Variants in CASTOR2 observed in about 807,000 individuals in gnomAD.
CASTOR2 encodes the protein cytosolic arginine sensor for mTORC1 subunit 2, also known as GATS protein like 2.
CASTOR2 carries 8 observed loss-of-function variants against 31.2 expected under a neutral mutation model. That is an observed-to-expected ratio of 0.26 (90% confidence interval 0.15 to 0.46). The LOEUF is 0.46. Ranked by LOEUF, CASTOR2 falls within the 20% of genes least tolerant of loss-of-function variation. The pLI is 0.99. For synonymous variants in CASTOR2, 162 were observed against 158.7 expected, an observed-to-expected ratio of 1.02 and a Z score of -0.16; for missense variants, 216 against 382.1, an observed-to-expected ratio of 0.57 and a Z score of 3.62.
chr7:74,986,756 A>G (rs1336813219), intron 1 of CASTOR2, among the ~76,000 whole-genome samples: 10 of 152,160 alleles, frequency 6.6e-5, no homozygotes, highest in African/African-American at 1.9e-4. Context: ...ATGAAAAACA[A>G]ATGGTTTGGC....
At chr7:75,002,434 C>T (rs1268162054) in intron 1 of CASTOR2, among the ~76,000 whole-genome samples, 2 of 151,698 alleles carry the variant, frequency 1.3e-5, no homozygotes, top group East Asian at 4.0e-4. Context: ...GCCTGGCCAA[C>T]ATGGTGAAAC....
At chr7:75,018,250 A>G in intron 4 of CASTOR2, 128 bp downstream of exon 4, 5 of 1,507,096 alleles carry the variant, frequency 3.3e-6, no homozygotes, top group Middle Eastern at 2.3e-4. Flanking sequence ...GCAGAACGGG[A>G]TGCAAAGGGC....
chr7:75,027,991 TG>T lies in CASTOR2; in HGVS notation c.*3294del. 6.5e-7 allele frequency: 1 copy of T among 1,531,886 alleles called. No homozygotes were observed. Among genetic ancestry groups the T allele is most frequent in the African/African-American group, 1.4e-5 (1 of 73,040 alleles). 94.9% of individuals were successfully genotyped at this position (1,531,886 alleles called of 1,614,324 possible). A position where few individuals can be genotyped will look rare whatever the true frequency, so the allele number is the denominator to read the frequency against. On this transcript the variant is annotated 3_prime_UTR_variant, in exon 9 of 9. Transcript: ENST00000616305. Reference sequence around the variant, plus strand: ...CAGAGGGGCTCCATCCGCAGTTGCATGGAACTCCTTACCTGTTTGCCGTCCA... The same window carrying T: ...CAGAGGGGCTCCATCCGCAGTTGCATGAACTCCTTACCTGTTTGCCGTCCA...
At chr7:75,023,952 G>T (rs902755855) in intron 7 of CASTOR2, among the ~76,000 whole-genome samples, 1 of 152,166 alleles carries the variant, frequency 6.6e-6, no homozygotes, top group African/African-American at 2.4e-5. Context: ...ACCAGAGAAG[G>T]CTCCTGGTTG....
chr7:74,982,368 C>T lies in CASTOR2; in HGVS notation c.113+17270C>T, dbSNP rs1355098686. On this transcript the variant is annotated intron_variant, in intron 1 of 8. Transcript: ENST00000616305. ...ATTTGGCCCCTGGGCCTCTGGGTAA[C>T]CTGCCCCAGCCACCCAGGGCTTGGC... 4.0e-5 allele frequency among the ~76,000 whole-genome samples: 6 copies of T among 151,798 alleles called. No individual in the cohort carries two copies. In the East Asian group the frequency reaches 1.2e-3, roughly 29 times the overall value.
chr7:74,987,773 A>G (rs1213987869), intron 1 of CASTOR2, among the ~76,000 whole-genome samples: 4 of 151,942 alleles, frequency 2.6e-5, no homozygotes, highest in South Asian at 2.1e-4. Flanking sequence ...CAGTGGCGTG[A>G]TATCGGCTCA....
chr7:75,012,239 A>G (rs1197549156), intron 2 of CASTOR2, among the ~76,000 whole-genome samples: 1 of 152,114 alleles, frequency 6.6e-6, no homozygotes, highest in Non-Finnish European at 1.5e-5. Context: ...CTGCAGTATG[A>G]GGCTAGGAGG....
At chr7:74,988,007 CTTTT>C (rs1199869924) in intron 1 of CASTOR2, among the ~76,000 whole-genome samples, 1 of 141,672 alleles carries the variant, frequency 7.1e-6, no homozygotes, top group East Asian at 2.0e-4. Flanking sequence ...TGCGCCTGGC[CTTTT>C]TTTTTTTTTA....
chr7:74,985,964 G>GT (rs1804053369), intron 1 of CASTOR2, among the ~76,000 whole-genome samples: 4 of 152,008 alleles, frequency 2.6e-5, no homozygotes, highest in Admixed American at 2.0e-4. Context: ...GTCTCACTCT[G>GT]TTGCCCAGGC....
intron 2 of CASTOR2, among the ~76,000 whole-genome samples, chr7:75,015,640 A>T (rs1370938466): frequency 3.9e-5 from 6 of 152,044 alleles, no homozygotes; most frequent in Non-Finnish European, 7.4e-5. Context: ...TTTAGTGCCC[A>T]AGATAGAGCC....
chr7:74,990,035 T>TA (rs1244481691), intron 1 of CASTOR2, among the ~76,000 whole-genome samples: 6 of 150,714 alleles, frequency 4.0e-5, no homozygotes, highest in African/African-American at 1.2e-4. Context: ...AGTTTGGGGT[T>TA]AAAAAAAAAT....
chr7:74,995,754 G>A (rs1268249169), intron 1 of CASTOR2, among the ~76,000 whole-genome samples: 1 of 151,610 alleles, frequency 6.6e-6, no homozygotes, highest in Non-Finnish European at 1.5e-5. Context: ...CTTGCAGTGA[G>A]CCGAGATCAC....
intron 1 of CASTOR2, among the ~76,000 whole-genome samples, chr7:74,977,206 A>C (rs1584458703): frequency 6.8e-6 from 1 of 146,476 alleles, no homozygotes; most frequent in Non-Finnish European, 1.5e-5. Context: ...AAAAAAAAAC[A>C]CCTTGTAAAA....
chr7:74,975,444 G>A (rs1584457787), intron 1 of CASTOR2, among the ~76,000 whole-genome samples: 1 of 142,870 alleles, frequency 7.0e-6, no homozygotes, highest in South Asian at 2.3e-4. Flanking sequence ...TTGGCTGGGC[G>A]CAGTGGCTCA....
At position 75,028,194 on chromosome 7, in the gene CASTOR2, T is replaced by G. The variant is rs1365140701; in HGVS notation, c.*3495T>G. On this transcript the variant is annotated 3_prime_UTR_variant, in exon 9 of 9. Coordinates refer to ENST00000616305, the MANE Select transcript of CASTOR2 (RefSeq NM_001145064.3). ...GTGCTGTGGCATGATCTCAGCTCAC[T>G]GCAGCAACCTCCACTTCCTGGGTTC... The G allele has an allele frequency of 5.2e-6, 5 of 958,488 alleles. No homozygotes were observed. Among genetic ancestry groups the G allele is most frequent in the Non-Finnish European group, 7.5e-6 (5 of 669,022 alleles). The allele number at this position is 958,488 out of a possible 1,614,324, so 59.4% of individuals were successfully genotyped here. A position where few individuals can be genotyped will look rare whatever the true frequency, so the allele number is the denominator to read the frequency against.
intron 2 of CASTOR2, among the ~76,000 whole-genome samples, chr7:75,010,830 G>A (rs1324856587): frequency 6.6e-6 from 1 of 151,844 alleles, no homozygotes; most frequent in East Asian, 1.9e-4. Flanking sequence ...AAAAAAAATT[G>A]AGTGGATTTG....
intron 2 of CASTOR2, among the ~76,000 whole-genome samples, chr7:75,010,083 A>G (rs1201823026): frequency 6.6e-6 from 1 of 151,458 alleles, no homozygotes; most frequent in African/African-American, 2.4e-5. Flanking sequence ...CTTTTTCCTG[A>G]ACTCCCCTCC....
Position 75,029,127 on chromosome 7 carries a change from C to G in CASTOR2, c.*4428C>G, listed in dbSNP as rs1805226006. Among the ~76,000 whole-genome samples the G allele has an allele frequency of 6.6e-6, 1 of 152,174 alleles. No homozygotes were observed. ...CTGGGAAGACAGGAAGGGCCAGGCC[C>G]CTGTTAAAGCCCAGGGCACTATTTG... On this transcript the variant is annotated 3_prime_UTR_variant, in exon 9 of 9. Transcript: ENST00000616305.
chr7:75,012,935 C>T (rs1804787404), intron 2 of CASTOR2, among the ~76,000 whole-genome samples: 1 of 152,208 alleles, frequency 6.6e-6, no homozygotes, highest in African/African-American at 2.4e-5. Flanking sequence ...GCGTGAACCA[C>T]CGTGCACAGC....
Sources: gnomAD v4.1 joint callset for allele counts (sites outside exome capture counted in the v4.1 genomes callset) on GRCh38, gnomAD v4.1.1 for gene constraint, MANE v1.5 for transcripts, NCBI Gene and HGNC (gene_info 2026-07-23, HGNC 2026-07-21) for gene names.